VPS13C: variants seen among roughly 807,000 people sequenced by gnomAD.
VPS13C encodes the protein intermembrane lipid transfer protein VPS13C.
A neutral mutation model predicts 456.8 loss-of-function variants in VPS13C; 358 were observed. The ratio of observed to expected loss-of-function variants is 0.78; its 90% CI spans 0.72 to 0.86. The LOEUF (loss-of-function observed/expected upper bound fraction) is 0.86, where lower values mean the gene tolerates loss of function less well. VPS13C is among the 40% of genes least tolerant of loss of function. The pLI, the probability that VPS13C is intolerant of heterozygous loss-of-function variation, is 0.00. For synonymous variants in VPS13C, 1,578 were observed against 1,486.7 expected, an observed-to-expected ratio of 1.06 and a Z score of -1.41; for missense variants, 4,818 against 4,385.4, an observed-to-expected ratio of 1.10 and a Z score of -2.79.
intron 8 of VPS13C, among the ~76,000 whole-genome samples, chr15:62,022,599 A>G (rs1429601630): frequency 1.3e-5 from 2 of 151,900 alleles, no homozygotes; most frequent in East Asian, 3.9e-4. Context: ...ATTTTTTGAC[A>G]ATCTACAAAT....
At chr15:61,996,596 A>T (rs1488036948) in intron 16 of VPS13C, among the ~76,000 whole-genome samples, 1 of 152,136 alleles carries the variant, frequency 6.6e-6, no homozygotes, top group Non-Finnish European at 1.5e-5. Context: ...ACTATAGTAC[A>T]TGACATAAAG....
At chr15:61,871,804 T>A (rs1245531895) in intron 79 of VPS13C, among the ~76,000 whole-genome samples, 185 bp downstream of exon 79, 1 of 152,208 alleles carries the variant, frequency 6.6e-6, no homozygotes, top group African/African-American at 2.4e-5. Context: ...GTCTGAAGCA[T>A]GATCTACTAC....
At position 61,991,902 on chromosome 15, in the gene VPS13C, A is replaced by G. The variant is rs8032433; in HGVS notation, c.1354-100T>C. On this transcript the variant is annotated intron_variant, in intron 16 of 84. Coordinates refer to ENST00000644861, the MANE Select transcript of VPS13C (RefSeq NM_020821.3). ...AAACAATGGTTCTTTTTTTTTTTTT[A>G]ACGCTACGTAACATTGCACCAGTCA... 0.46 allele frequency: 560,173 copies of G among 1,208,032 alleles called. 131,009 individuals carry two copies. Among genetic ancestry groups the G allele is most frequent in the Admixed American group, 0.57 (22,299 of 39,058 alleles). The allele number at this position is 1,208,032 out of a possible 1,614,324, so 74.8% of individuals were successfully genotyped here. A position where few individuals can be genotyped will look rare whatever the true frequency, so the allele number is the denominator to read the frequency against.
At chr15:61,874,254 A>T (rs1895249133) in intron 77 of VPS13C, among the ~76,000 whole-genome samples, 1 of 152,050 alleles carries the variant, frequency 6.6e-6, no homozygotes, top group African/African-American at 2.4e-5. Flanking sequence ...AATAAGTTCT[A>T]GCATGCTATA....
chr15:61,982,104 G>C (rs1250124810), intron 21 of VPS13C, among the ~76,000 whole-genome samples: 1 of 152,146 alleles, frequency 6.6e-6, no homozygotes, highest in East Asian at 1.9e-4. Flanking sequence ...CTTGAGTTTA[G>C]AGGTCATGTT....
chr15:62,053,662 T>C (rs2048698215), intron 1 of VPS13C, among the ~76,000 whole-genome samples: 1 of 152,210 alleles, frequency 6.6e-6, no homozygotes, highest in Admixed American at 6.5e-5. Flanking sequence ...AAGCAACCAA[T>C]GGTCACTTGT....
chr15:61,947,844 A>C (rs1011437216), intron 42 of VPS13C, among the ~76,000 whole-genome samples: 1 of 152,196 alleles, frequency 6.6e-6, no homozygotes, highest in African/African-American at 2.4e-5. Context: ...TCTTTGAGAA[A>C]TGAACATAAA....
intron 4 of VPS13C, among the ~76,000 whole-genome samples, chr15:62,034,167 A>G (rs945317554): frequency 1.3e-5 from 2 of 151,696 alleles, no homozygotes; most frequent in African/African-American, 2.4e-5. Context: ...GTAGCCCACA[A>G]TAGAATACCA....
chr15:61,886,734 A>G (rs1896301919), intron 67 of VPS13C, among the ~76,000 whole-genome samples: 1 of 152,180 alleles, frequency 6.6e-6, no homozygotes, highest in African/African-American at 2.4e-5. Flanking sequence ...AAAATCTATA[A>G]TATTTTATTT....
intron 9 of VPS13C, among the ~76,000 whole-genome samples, chr15:62,014,548 C>T (rs973639028): frequency 2.0e-5 from 3 of 151,958 alleles, no homozygotes; most frequent in Admixed American, 1.3e-4. Flanking sequence ...GGGAGGATAA[C>T]TTTAGATTTA....
At chr15:62,013,385 T>G (rs34173668) in intron 10 of VPS13C, among the ~76,000 whole-genome samples, 4 of 151,758 alleles carry the variant, frequency 2.6e-5, no homozygotes, top group African/African-American at 9.7e-5. Context: ...ATTCAGAAAT[T>G]AGTATTTAAC....
intron 30 of VPS13C, 87 bp downstream of exon 30, chr15:61,965,996 C>A: frequency 1.1e-6 from 1 of 879,946 alleles, no homozygotes; most frequent in Non-Finnish European, 1.7e-6. Context: ...CATCAAATTA[C>A]CTAGTCAATA....
At chr15:61,865,490 A>G (rs1203598497) in intron 81 of VPS13C, 4 of 983,080 alleles carry the variant, frequency 4.1e-6, no homozygotes, top group Non-Finnish European at 4.8e-6. Flanking sequence ...AAGTATGTGA[A>G]CCAAAATGAG....
intron 37 of VPS13C, among the ~76,000 whole-genome samples, chr15:61,955,841 T>C (rs191564704): frequency 2.7e-4 from 41 of 152,196 alleles, no homozygotes; most frequent in African/African-American, 9.4e-4. Context: ...GGCCAGGTTG[T>C]AGAAAAAAGG....
chr15:61,866,681 A>T, intron 81 of VPS13C: 1 of 985,192 alleles, frequency 1.0e-6, no homozygotes, highest in East Asian at 1.1e-4. Flanking sequence ...TAACAGTTAC[A>T]TGTTTTGTTA....
chr15:62,012,635 T>C (rs1485364503), intron 11 of VPS13C, among the ~76,000 whole-genome samples: 1 of 151,916 alleles, frequency 6.6e-6, no homozygotes, highest in Non-Finnish European at 1.5e-5. Context: ...TCTTCTACTA[T>C]TCAGAAAATC....
chr15:62,042,684 C>CA (rs1400741874), intron 2 of VPS13C, among the ~76,000 whole-genome samples: 7 of 152,012 alleles, frequency 4.6e-5, no homozygotes, highest in African/African-American at 1.4e-4. Flanking sequence ...AATTTTCACA[C>CA]AAAATAAATG....
Position 61,934,318 on chromosome 15 carries a change from C to G in VPS13C, c.5769G>C (p.Trp1923Cys). The part of the protein sequence containing the change: ...VPDHLKEQED[W>C]TDSKLSMNQI... ...GGTTCATAGAGAGCTTTGAGTCTGT[C>G]CAATCTTCTTGTTCTAATGGTGAAA... The change falls in exon 49 of 85, where the codon TGG (tryptophan) becomes TGC (cysteine). Residue 1923 changes from tryptophan (W) to cysteine (C), a missense_variant. By Grantham distance (215) the Trp-to-Cys change is radical. Around this residue, in one of 3 missense-constraint regions of VPS13C, gnomAD observed 4,552 missense variants for 4,130.6 expected, o/e 1.10. Transcript: ENST00000644861. 1.9e-6 allele frequency: 3 copies of G among 1,551,372 alleles called. No homozygotes were observed. Among genetic ancestry groups the G allele is most frequent in the Non-Finnish European group, 2.6e-6 (3 of 1,148,028 alleles).
chr15:62,012,248 A>G, intron 11 of VPS13C, 84 bp from the exon 12 acceptor site: 1 of 716,540 alleles, frequency 1.4e-6, no homozygotes, highest in Non-Finnish European at 2.3e-6. Flanking sequence ...ACACACACAC[A>G]CACACACACA....
Sources: gnomAD v4.1 joint callset for allele counts (sites outside exome capture counted in the v4.1 genomes callset) on GRCh38, gnomAD v4.1.1 for gene constraint, gnomAD v4.1.1 regional missense constraint, MANE v1.5 for transcripts, NCBI Gene and HGNC (gene_info 2026-07-23, HGNC 2026-07-21) for gene names.